The following CNTN1 variants were observed in gnomAD, a reference collection of about 807,000 sequenced individuals.
CNTN1 encodes contactin-1.
In CNTN1, 38 loss-of-function variants were observed where a neutral mutation model predicts 126.4. The ratio of observed to expected loss-of-function variants is 0.30; its 90% CI spans 0.23 to 0.39. CNTN1 has a LOEUF of 0.39. CNTN1 is among the 10% of genes least tolerant of loss of function. The pLI is 1.00. For missense variants in CNTN1, 1,009 were observed against 1,248.4 expected (o/e 0.81, Z 2.89); for synonymous variants, 413 against 422.6 (o/e 0.98, Z 0.28).
intron 1 of CNTN1, among the ~76,000 whole-genome samples, chr12:40,838,202 G>C (rs1942138120): frequency 1.3e-5 from 2 of 152,130 alleles, no homozygotes; most frequent in South Asian, 4.1e-4. Context: ...ACTCCTACTA[G>C]CATCCTGAAG....
chr12:40,948,171 T>G (rs1305915820), intron 14 of CNTN1, among the ~76,000 whole-genome samples: 2 of 151,748 alleles, frequency 1.3e-5, no homozygotes, highest in Non-Finnish European at 2.9e-5. Flanking sequence ...ATAAAGTATA[T>G]AAGTGGTTAT....
chr12:40,832,725 G>A (rs150443252), intron 1 of CNTN1, among the ~76,000 whole-genome samples: 4 of 152,250 alleles, frequency 2.6e-5, no homozygotes, highest in African/African-American at 9.6e-5. Flanking sequence ...GCTGATTACT[G>A]GAGTTAGTAT....
intron 4 of CNTN1, 89 bp downstream of exon 4, chr12:40,918,860 T>C: frequency 6.7e-7 from 1 of 1,492,724 alleles, no homozygotes; most frequent in South Asian, 1.1e-5. Flanking sequence ...TGTAATATAG[T>C]GCTTTCTGCA....
chr12:41,036,834 G>C (rs754820502), intron 23 of CNTN1, among the ~76,000 whole-genome samples: 1 of 152,074 alleles, frequency 6.6e-6, no homozygotes, highest in African/African-American at 2.4e-5. Context: ...CTTTTTAAAG[G>C]CTTGGCATAT....
At chr12:40,780,703 A>AC (rs1555156862) in intron 1 of CNTN1, among the ~76,000 whole-genome samples, 1 of 149,822 alleles carries the variant, frequency 6.7e-6, no homozygotes, top group Non-Finnish European at 1.5e-5. Context: ...AAAAAAAAAA[A>AC]CACCAATCCT....
chr12:40,802,898 TGC>T (rs1351685302), intron 1 of CNTN1, among the ~76,000 whole-genome samples: 1 of 152,174 alleles, frequency 6.6e-6, no homozygotes, highest in African/African-American at 2.4e-5. Context: ...CAGTCTGTTT[TGC>T]TTTGACTAGA....
chr12:40,797,186 A>G (rs1043167209), intron 1 of CNTN1, among the ~76,000 whole-genome samples: 2 of 152,150 alleles, frequency 1.3e-5, no homozygotes, highest in African/African-American at 2.4e-5. Context: ...CCCAGACATC[A>G]GGAAAGAGAT....
chr12:40,801,470 A>G (rs1000886123), intron 1 of CNTN1, among the ~76,000 whole-genome samples: 1 of 152,008 alleles, frequency 6.6e-6, no homozygotes, highest in Admixed American at 6.6e-5. Flanking sequence ...AGTAATAGAG[A>G]TAAGGTAGAA....
rs181987742 is a variant in CNTN1 at position 40,889,836 on chromosome 12, G to A, written c.-76-18521G>A. 4.1e-4 allele frequency among the ~76,000 whole-genome samples: 63 copies of A among 152,232 alleles called. 1 individual carries two copies. The highest frequency in any genetic ancestry group is 2.6e-3 in the Admixed American group (39 of 15,278). Reference sequence around the variant, plus strand: ...CAGGTACTGCCATTTATTATCATTGGCAAGCTGCTTGACTTCTCTAAACCT... The same window carrying A: ...CAGGTACTGCCATTTATTATCATTGACAAGCTGCTTGACTTCTCTAAACCT... On this transcript the variant is annotated intron_variant, in intron 1 of 23. Coordinates refer to ENST00000551295, the MANE Select transcript of CNTN1 (RefSeq NM_001843.4).
chr12:40,808,305 A>G (rs1276156327), intron 1 of CNTN1, among the ~76,000 whole-genome samples: 1 of 152,162 alleles, frequency 6.6e-6, no homozygotes, highest in East Asian at 1.9e-4. Flanking sequence ...GTAAATGTGT[A>G]ACAACTGACT....
rs541762038 is a variant in CNTN1, at chr12:41,001,406, GA to G, written c.2113+8141del. Among the ~76,000 whole-genome samples the G allele has an allele frequency of 2.9e-4, 44 of 152,172 alleles. No homozygotes were observed. In the South Asian group the frequency reaches 7.7e-3, roughly 27 times the overall value. ...GTTGGCCATATGTGTGTCTTCTTTT[GA>G]AAAGTGTCTATTCATGACCTTTGCC... is the stretch of plus-strand genomic sequence containing the variant. On this transcript the variant is annotated intron_variant, in intron 17 of 23. Coordinates refer to ENST00000551295, the MANE Select transcript of CNTN1 (RefSeq NM_001843.4).
At chr12:40,780,171 G>C (rs1449416240) in intron 1 of CNTN1, among the ~76,000 whole-genome samples, 1 of 151,878 alleles carries the variant, frequency 6.6e-6, no homozygotes, top group Admixed American at 6.6e-5. Context: ...GAAATTCTCT[G>C]TGAATTTTGT....
chr12:40,854,131 T>C (rs312272), intron 1 of CNTN1, among the ~76,000 whole-genome samples: 56,090 of 150,784 alleles, frequency 0.37, 10,394 homozygotes, highest in Admixed American at 0.42. Flanking sequence ...GATAAGTAAA[T>C]AGACAGGCTG....
intron 1 of CNTN1, among the ~76,000 whole-genome samples, chr12:40,828,725 C>G (rs758311367): frequency 6.6e-6 from 1 of 152,188 alleles, no homozygotes; most frequent in Non-Finnish European, 1.5e-5. Context: ...CTCAATCCTT[C>G]TCCCAGAAGC....
At chr12:40,775,344 G>A (rs996879621) in intron 1 of CNTN1, among the ~76,000 whole-genome samples, 33 of 151,152 alleles carry the variant, frequency 2.2e-4, no homozygotes, top group African/African-American at 7.5e-4. Context: ...TATTTCCTTT[G>A]GTAGATATTA....
At chr12:40,773,982 G>C (rs1000241798) in intron 1 of CNTN1, among the ~76,000 whole-genome samples, 1 of 151,114 alleles carries the variant, frequency 6.6e-6, no homozygotes. Flanking sequence ...TACAATTTAA[G>C]CTCAACGACG....
At chr12:40,854,987 A>C (rs1942850480) in intron 1 of CNTN1, among the ~76,000 whole-genome samples, 2 of 152,108 alleles carry the variant, frequency 1.3e-5, no homozygotes, top group African/African-American at 4.8e-5. Context: ...TAGGGAAGGC[A>C]ATGAGAGACC....
At chr12:40,826,471 A>G (rs546065150) in intron 1 of CNTN1, among the ~76,000 whole-genome samples, 69 of 152,324 alleles carry the variant, frequency 4.5e-4, no homozygotes, top group Non-Finnish European at 7.5e-4. Context: ...ATTGTGGCAC[A>G]TGGAATACAT....
At chr12:41,016,617 C>T in intron 18 of CNTN1, 65 bp from the exon 19 acceptor site, 4 of 994,614 alleles carry the variant, frequency 4.0e-6, no homozygotes, top group Admixed American at 1.7e-5. Context: ...GTCATTATCC[C>T]CATAGCATTT....
Sources: allele counts gnomAD v4.1 joint callset (sites outside exome capture counted in the v4.1 genomes callset), GRCh38; gene constraint gnomAD v4.1.1; transcripts MANE v1.5; gene names NCBI Gene and HGNC (gene_info 2026-07-23, HGNC 2026-07-21).